ANKHD1: variants seen among roughly 807,000 people sequenced by gnomAD.
The protein encoded by ANKHD1 is ankyrin repeat and KH domain containing 1.
A neutral mutation model predicts 230.5 loss-of-function variants in ANKHD1; 31 were observed. The ratio of observed to expected loss-of-function variants is 0.13; its 90% CI spans 0.10 to 0.18. The LOEUF (loss-of-function observed/expected upper bound fraction) is 0.18, where lower values mean the gene tolerates loss of function less well. Among genes scored for constraint, ANKHD1 ranks in the 10% least tolerant of loss-of-function variants. The probability of loss-of-function intolerance (pLI) is 1.00; values close to 1 mark genes in which losing one functional copy is unlikely to be tolerated. For synonymous variants in ANKHD1, 1,074 were observed against 1,117.6 expected, an observed-to-expected ratio of 0.96 and a Z score of 0.78; for missense variants, 2,256 against 3,071.3, an observed-to-expected ratio of 0.73 and a Z score of 6.27.
chr5:140,442,367 T>G (rs944427897), intron 5 of ANKHD1, among the ~76,000 whole-genome samples: 3 of 151,946 alleles, frequency 2.0e-5, no homozygotes, highest in Non-Finnish European at 4.4e-5. Flanking sequence ...ATAGCAACAG[T>G]CCCCAACCTT....
rs781044531 is a variant in ANKHD1, at chr5:140,496,698, A to G, written c.2424A>G (p.Gln808=). 1 of 1,614,102 alleles carries G rather than the reference A, an allele frequency of 6.2e-7. No homozygotes were observed. Among genetic ancestry groups the G allele is most frequent in the Admixed American group, 1.7e-5 (1 of 59,990 alleles). The change falls in exon 15 of 34, where the codon CAA becomes CAG. Residue 808 remains glutamine (Q), a synonymous_variant. Coordinates refer to ENST00000360839, the MANE Select transcript of ANKHD1 (RefSeq NM_017747.3). ...KAQLKSLELI[Q]GEPLNKDKIE... ...AGCTTAAGTCACTGGAGTTAATTCA[A>G]GGTGAACCTCTGAACAAAGATAAGA...
chr5:140,514,331 C>CA (rs1173901127), intron 24 of ANKHD1, among the ~76,000 whole-genome samples: 6 of 151,434 alleles, frequency 4.0e-5, no homozygotes, highest in Non-Finnish European at 7.4e-5. Context: ...CCCATCTCTA[C>CA]AAAAAACAAA....
intron 24 of ANKHD1, among the ~76,000 whole-genome samples, chr5:140,516,456 A>G (rs1753013099): frequency 1.3e-5 from 2 of 152,060 alleles, no homozygotes; most frequent in South Asian, 4.1e-4. Flanking sequence ...CCACAAAGAT[A>G]CTCCTCGAGA....
intron 7 of ANKHD1, among the ~76,000 whole-genome samples, chr5:140,453,630 G>A (rs1774925905): frequency 6.6e-6 from 1 of 152,094 alleles, no homozygotes; most frequent in African/African-American, 2.4e-5. Flanking sequence ...ATAAGTGAAG[G>A]GGAAATAAAA....
At chr5:140,511,517 T>C (rs1752768836) in intron 22 of ANKHD1, among the ~76,000 whole-genome samples, 2 of 152,296 alleles carry the variant, frequency 1.3e-5, no homozygotes, top group South Asian at 4.1e-4. Context: ...CTGTTTCTCT[T>C]TTATAGTTGA....
At chr5:140,445,209 C>CATAATTGGT (rs1774183002) in intron 5 of ANKHD1, among the ~76,000 whole-genome samples, 2 of 149,908 alleles carry the variant, frequency 1.3e-5, no homozygotes, top group South Asian at 4.4e-4. Flanking sequence ...GTATAATTGG[C>CATAATTGGT]ATAATTGGTA....
intron 24 of ANKHD1, among the ~76,000 whole-genome samples, chr5:140,523,108 C>CTTTTTTT (rs374008554): frequency 6.4e-5 from 6 of 93,494 alleles, no homozygotes; most frequent in African/African-American, 1.2e-4. Flanking sequence ...TTTCTTTTTC[C>CTTTTTTT]TTTTTTTTTT....
At chr5:140,446,999 T>G (rs974315031) in intron 6 of ANKHD1, among the ~76,000 whole-genome samples, 4 of 152,088 alleles carry the variant, frequency 2.6e-5, no homozygotes, top group African/African-American at 9.7e-5. Context: ...AACTTCCGCC[T>G]CCCGGGTTCA....
chr5:140,461,295 C>T (rs1280649132), intron 9 of ANKHD1, among the ~76,000 whole-genome samples: 2 of 152,192 alleles, frequency 1.3e-5, no homozygotes, highest in African/African-American at 2.4e-5. Context: ...GTTTTTTCTA[C>T]TGCATTACCA....
intron 5 of ANKHD1, among the ~76,000 whole-genome samples, chr5:140,444,029 A>G (rs1022285920): frequency 1.5e-4 from 23 of 151,320 alleles, no homozygotes; most frequent in African/African-American, 5.1e-4. Context: ...CTTTATTTTT[A>G]AAAAGTAGGT....
At chr5:140,469,485 C>CA (rs1269054163) in intron 10 of ANKHD1, among the ~76,000 whole-genome samples, 1 of 151,754 alleles carries the variant, frequency 6.6e-6, no homozygotes, top group Non-Finnish European at 1.5e-5. Context: ...CCAGCCGGGG[C>CA]AATAGAGGGA....
intron 10 of ANKHD1, chr5:140,472,268 G>A (rs1252586712): frequency 1.2e-6 from 2 of 1,613,396 alleles, no homozygotes; most frequent in Non-Finnish European, 1.7e-6. Context: ...AGACTATTTT[G>A]GAGGGCATAG....
chr5:140,498,609 A>T (rs1011302298), intron 15 of ANKHD1, among the ~76,000 whole-genome samples: 1 of 152,210 alleles, frequency 6.6e-6, no homozygotes, highest in Non-Finnish European at 1.5e-5. Flanking sequence ...TTGTATTATT[A>T]GCATTGAAAG....
intron 24 of ANKHD1, among the ~76,000 whole-genome samples, chr5:140,523,542 C>T (rs1753459328): frequency 6.6e-6 from 1 of 151,254 alleles, no homozygotes. Flanking sequence ...AATATTTTTC[C>T]CATTTTATAG....
chr5:140,520,929 TAA>T (rs370538341), intron 24 of ANKHD1, among the ~76,000 whole-genome samples: 222 of 112,798 alleles, frequency 2.0e-3, no homozygotes, highest in African/African-American at 6.6e-3. Context: ...TAAAGTATAA[TAA>T]AAAAAAAAAA....
chr5:140,506,292 A>C lies in ANKHD1; in HGVS notation c.3408+423A>C, dbSNP rs116402307. On this transcript the variant is annotated intron_variant, in intron 18 of 33. Transcript: ENST00000360839. The surrounding 1 kb of genome is among the most constrained non-coding windows in gnomAD (Gnocchi z 4.7). ...GGGTACTTCTGTTAACTTTTATGGGAATGTAAATGCCCTTTTTTTTTGGCG... is the reference window on the plus strand; with the variant it reads ...GGGTACTTCTGTTAACTTTTATGGGCATGTAAATGCCCTTTTTTTTTGGCG... Among the ~76,000 whole-genome samples, 397 of 151,778 alleles carry C rather than the reference A, an allele frequency of 2.6e-3. 1 individual carries two copies. Among genetic ancestry groups the C allele is most frequent in the Middle Eastern group, 0.014 (4 of 294 alleles).
intron 10 of ANKHD1, among the ~76,000 whole-genome samples, chr5:140,469,367 C>T (rs546138440): frequency 8.7e-4 from 113 of 130,604 alleles, no homozygotes; most frequent in South Asian, 2.0e-3. Flanking sequence ...AAAAATTAGC[C>T]GGGTGTGGTT....
chr5:140,454,491 A>G (rs1055474154), intron 7 of ANKHD1, among the ~76,000 whole-genome samples: 1 of 152,226 alleles, frequency 6.6e-6, no homozygotes, highest in African/African-American at 2.4e-5. Context: ...ATGTAAAAGA[A>G]CAGAGATTAT....
At position 140,506,694 on chromosome 5, in the gene ANKHD1, A is replaced by G. The variant is rs1245818447; in HGVS notation, c.3409-141A>G. The G allele has an allele frequency of 1.5e-5, 19 of 1,290,216 alleles. No homozygotes were observed. Among genetic ancestry groups the G allele is most frequent in the Non-Finnish European group, 6.3e-6 (6 of 950,784 alleles). 79.9% of individuals were successfully genotyped at this position (1,290,216 alleles called of 1,614,324 possible). On this transcript the variant is annotated intron_variant, in intron 18 of 33. Coordinates refer to ENST00000360839, the MANE Select transcript of ANKHD1 (RefSeq NM_017747.3). This position sits in a 1 kb window ranked among gnomAD's most constrained non-coding sequence, Gnocchi z 4.7. ...CCATTTCTCTAGTGTTGATATTTCA[A>G]TATTTAGGGTCTAATGAAATGTAAT...
Sources: gnomAD v4.1 joint callset for allele counts (sites outside exome capture counted in the v4.1 genomes callset) on GRCh38, gnomAD v4.1.1 for gene constraint, Gnocchi (gnomAD v3.1) non-coding constraint, MANE v1.5 for transcripts, NCBI Gene and HGNC (gene_info 2026-07-23, HGNC 2026-07-21) for gene names.